The following KCNMA1 variants were observed in gnomAD, a reference collection of about 807,000 sequenced individuals.
The protein encoded by KCNMA1 is Calcium-activated potassium channel subunit alpha-1.
Under a neutral mutation model 140.0 loss-of-function variants are expected in KCNMA1, and 29 were observed. The observed-to-expected ratio is 0.21, with a 90% CI of 0.15 to 0.28. KCNMA1 has a LOEUF of 0.28. Among genes scored for constraint, KCNMA1 ranks in the 10% least tolerant of loss-of-function variants. KCNMA1 has a pLI of 1.00. For synonymous variants in KCNMA1, 612 were observed against 611.9 expected (o/e 1.00, Z 0.00); for missense variants, 880 against 1,602.2 (o/e 0.55, Z 7.70).
At chr10:77,427,469 G>A (rs973003395) in intron 1 of KCNMA1, among the ~76,000 whole-genome samples, 4 of 152,216 alleles carry the variant, frequency 2.6e-5, no homozygotes, top group African/African-American at 9.6e-5. Context: ...ATGTGGAGAT[G>A]ACTTGGCACA....
intron 14 of KCNMA1, among the ~76,000 whole-genome samples, chr10:77,067,610 C>T (rs1248903589): frequency 6.6e-6 from 1 of 152,216 alleles, no homozygotes; most frequent in Non-Finnish European, 1.5e-5. Flanking sequence ...CCTTCAGCTC[C>T]ACTTGGTTTA....
chr10:77,044,166 T>A (rs1383680632), intron 14 of KCNMA1, among the ~76,000 whole-genome samples: 1 of 152,082 alleles, frequency 6.6e-6, no homozygotes, highest in Non-Finnish European at 1.5e-5. Context: ...CCCAGAGTCA[T>A]TACATCATAG....
At chr10:77,333,888 A>G (rs2087706535) in intron 2 of KCNMA1, among the ~76,000 whole-genome samples, 1 of 152,210 alleles carries the variant, frequency 6.6e-6, no homozygotes, top group Admixed American at 6.5e-5. Flanking sequence ...TTGGGAGGTG[A>G]AACCCACTTC....
chr10:77,583,772 C>T (rs573090939), intron 1 of KCNMA1, among the ~76,000 whole-genome samples: 1 of 152,296 alleles, frequency 6.6e-6, no homozygotes, highest in East Asian at 1.9e-4. Context: ...CCTTTCAGGC[C>T]TAGCCTCAGT....
In KCNMA1 at chr10:77,514,382, C is replaced by T. The variant is rs567139633; in HGVS notation, c.379-110359G>A. The stretch of plus-strand genomic sequence containing the variant: ...CATTCCCCAGGTGGTCATCTGGCAC[C>T]TAATCCATGTGTGGTCACAGCAAAC... On this transcript the variant is annotated intron_variant, in intron 1 of 27. Transcript: ENST00000286628. Among the ~76,000 whole-genome samples, 6 of 152,318 alleles carry T rather than the reference C, an allele frequency of 3.9e-5. No individual in the cohort carries two copies. In the South Asian group the frequency reaches 1.2e-3, roughly 32 times the overall value.
Position 77,637,275 on chromosome 10 carries a change from C to T in KCNMA1, c.368G>A (p.Gly123Asp), listed in dbSNP as rs2093865429. ...YLWTVCCHCG[G>D]KTKEAQKINN... ...CGGGGCGCGCGTTACCTTCGTCTTGCCCCCGCAGTGGCAGCACACGGTCCA... is the reference window on the plus strand; with the variant it reads ...CGGGGCGCGCGTTACCTTCGTCTTGTCCCCGCAGTGGCAGCACACGGTCCA... Residue 123 changes from glycine to aspartate, a missense_variant, in exon 1 of 28, where the codon GGC becomes GAC. Gly to Asp is a moderately conservative substitution (Grantham distance 94). Transcript: ENST00000286628. The T allele has an allele frequency of 6.2e-7, 1 of 1,607,702 alleles. No individual in the cohort carries two copies. The highest frequency in any genetic ancestry group is 8.5e-7 in the Non-Finnish European group (1 of 1,175,846).
At chr10:77,424,022 G>T (rs920818728) in intron 1 of KCNMA1, among the ~76,000 whole-genome samples, 38 of 152,338 alleles carry the variant, frequency 2.5e-4, no homozygotes, top group Middle Eastern at 3.4e-3. Context: ...GCTTGGCAGA[G>T]GAATGGGACA....
At chr10:77,432,533 A>T (rs564764165) in intron 1 of KCNMA1, among the ~76,000 whole-genome samples, 3 of 152,252 alleles carry the variant, frequency 2.0e-5, no homozygotes, top group African/African-American at 7.2e-5. Flanking sequence ...AAATGAAGAG[A>T]CTCACTCAAA....
At chr10:77,328,343 C>A (rs2085002688) in intron 2 of KCNMA1, among the ~76,000 whole-genome samples, 1 of 152,184 alleles carries the variant, frequency 6.6e-6, no homozygotes, top group Non-Finnish European at 1.5e-5. Flanking sequence ...GGTCAAACTG[C>A]AAGTCAGAGG....
Position 76,891,651 on chromosome 10 carries a change from C to T in KCNMA1, c.3216G>A (p.Leu1072=), listed in dbSNP as rs200860007. The change falls in exon 26 of 28, where the codon CTG becomes CTA. Residue 1072 remains leucine (L), a synonymous_variant. Transcript: ENST00000286628. ...CGTTTTCCTCAGCAATCAGAGCCTC[C>T]AGCTCCGGCGTGGCTCCTCCGGTCA... ...TLVTGGATPE[L]EALIAEENAL... 1 of 1,614,126 alleles carries T rather than the reference C, an allele frequency of 6.2e-7. No individual in the cohort carries two copies. The highest frequency in any genetic ancestry group is 8.5e-7 in the Non-Finnish European group (1 of 1,180,014).
At chr10:77,515,546 C>CA (rs1490712545) in intron 1 of KCNMA1, among the ~76,000 whole-genome samples, 3 of 152,260 alleles carry the variant, frequency 2.0e-5, no homozygotes, top group African/African-American at 7.2e-5. Flanking sequence ...GGCTGCCTCT[C>CA]AGACACACAG....
Position 77,523,980 on chromosome 10 carries a change from C to G in KCNMA1, c.378+113285G>C, listed in dbSNP as rs186918225. 3.2e-4 allele frequency among the ~76,000 whole-genome samples: 48 copies of G among 152,246 alleles called. 1 individual carries two copies. The highest frequency in any genetic ancestry group is 1.1e-3 in the African/African-American group (45 of 41,554). Reference sequence around the variant, plus strand: ...TTGTTTGTAACTCAAAGGATAAATGCTTGAGGAGATGAATATTCACTCTCC... The same window carrying G: ...TTGTTTGTAACTCAAAGGATAAATGGTTGAGGAGATGAATATTCACTCTCC... On this transcript the variant is annotated intron_variant, in intron 1 of 27. Transcript: ENST00000286628.
At chr10:77,395,390 A>C (rs1454054229) in intron 2 of KCNMA1, among the ~76,000 whole-genome samples, 1 of 152,188 alleles carries the variant, frequency 6.6e-6, no homozygotes, top group Non-Finnish European at 1.5e-5. Flanking sequence ...TCCTTAGCTT[A>C]TGAACCACAC....
intron 14 of KCNMA1, among the ~76,000 whole-genome samples, chr10:77,058,517 A>G (rs2095625249): frequency 6.6e-6 from 1 of 152,132 alleles, no homozygotes. Flanking sequence ...GGGCCATAAA[A>G]TGCACCTTAA....
chr10:76,943,743 G>T (rs1437241518), intron 23 of KCNMA1, among the ~76,000 whole-genome samples: 1 of 152,168 alleles, frequency 6.6e-6, no homozygotes, highest in Non-Finnish European at 1.5e-5. Flanking sequence ...ATGTTAGAAG[G>T]CAGTGGTGGT....
intron 2 of KCNMA1, among the ~76,000 whole-genome samples, chr10:77,398,017 T>C (rs1405574264): frequency 1.3e-5 from 2 of 151,466 alleles, no homozygotes; most frequent in Non-Finnish European, 2.9e-5. Context: ...TATATATACA[T>C]ATATAATGTG....
chr10:77,604,569 A>T (rs1476439423), intron 1 of KCNMA1, among the ~76,000 whole-genome samples: 1 of 152,012 alleles, frequency 6.6e-6, no homozygotes, highest in African/African-American at 2.4e-5. Flanking sequence ...AATTAAAAAA[A>T]ATTAGCTGGG....
At chr10:77,373,496 T>A (rs1026746909) in intron 2 of KCNMA1, among the ~76,000 whole-genome samples, 1 of 152,204 alleles carries the variant, frequency 6.6e-6, no homozygotes, top group Non-Finnish European at 1.5e-5. Context: ...ATAACAACAA[T>A]AATGGGACAG....
intron 1 of KCNMA1, among the ~76,000 whole-genome samples, chr10:77,597,436 A>ATCAT (rs1407841468): frequency 6.6e-6 from 1 of 152,226 alleles, no homozygotes; most frequent in Non-Finnish European, 1.5e-5. Flanking sequence ...CCCTGACTTG[A>ATCAT]TCATTATACA....
Sources: allele counts gnomAD v4.1 joint callset (sites outside exome capture counted in the v4.1 genomes callset), GRCh38; gene constraint gnomAD v4.1.1; transcripts MANE v1.5; gene names NCBI Gene and HGNC (gene_info 2026-07-23, HGNC 2026-07-21).